Variants in ATP13A5 observed in about 807,000 individuals in gnomAD.
ATP13A5 encodes the protein ATPase 13A5.
Under a neutral mutation model 150.2 loss-of-function variants are expected in ATP13A5, and 149 were observed. The ratio of observed to expected loss-of-function variants is 0.99; its 90% confidence interval spans 0.87 to 1.14. ATP13A5 has a LOEUF of 1.14. Ranked by LOEUF, ATP13A5 falls within the 50% of genes most tolerant of loss-of-function variation. The pLI is 0.00. For missense variants in ATP13A5, 1,383 were observed against 1,449.3 expected, an observed-to-expected ratio of 0.95 and a Z score of 0.74; for synonymous variants, 497 against 522.2, an observed-to-expected ratio of 0.95 and a Z score of 0.66.
chr3:193,309,229 T>C (rs1257501908), intron 21 of ATP13A5, among the ~76,000 whole-genome samples: 1 of 152,236 alleles, frequency 6.6e-6, no homozygotes, highest in Non-Finnish European at 1.5e-5. Flanking sequence ...CTTTCCCTGC[T>C]GGGGCCAGAT....
intron 28 of ATP13A5, among the ~76,000 whole-genome samples, chr3:193,278,521 C>T (rs529445873): frequency 1.3e-5 from 2 of 152,146 alleles, no homozygotes; most frequent in African/African-American, 2.4e-5. Flanking sequence ...TCTCTGCCAC[C>T]GTACATTCAT....
chr3:193,364,106 C>T lies in ATP13A5; in HGVS notation c.237+1G>A, dbSNP rs1713146982. 3.1e-6 allele frequency: 5 copies of T among 1,613,964 alleles called. No homozygotes were observed. Among genetic ancestry groups the T allele is most frequent in the Non-Finnish European group, 3.4e-6 (4 of 1,179,908 alleles). ...AAAATAGAAAACAGAAAGGCACGCA[C>T]TGTTGTCCTCAGCAAAACAGTGTCT... On this transcript the variant is annotated splice_donor_variant, in intron 2 of 29. Transcript: ENST00000342358. LOFTEE classifies it high-confidence loss of function.
At position 193,351,187 on chromosome 3, in the gene ATP13A5, G is replaced by A; in HGVS notation, c.621C>T (p.Phe207=). ...TTAGGGTGAAGGCTTGGAACACATA[G>A]AATGGATTTAAAACCTGCAGGCACA... The part of the protein sequence containing the change: ...KLLVKQVLNP[F]YVFQAFTLTL... Residue 207 remains phenylalanine, a synonymous_variant, in exon 7 of 30, where the codon TTC becomes TTT. Coordinates refer to ENST00000342358, the MANE Select transcript of ATP13A5 (RefSeq NM_198505.4). 3 of 1,613,710 alleles carry A rather than the reference G, an allele frequency of 1.9e-6. No homozygotes were observed. Among genetic ancestry groups the A allele is most frequent in the Non-Finnish European group, 2.5e-6 (3 of 1,179,680 alleles).
At chr3:193,292,614 G>T (rs1697593527) in intron 25 of ATP13A5, among the ~76,000 whole-genome samples, 1 of 152,114 alleles carries the variant, frequency 6.6e-6, no homozygotes, top group Admixed American at 6.6e-5. Context: ...CGTTCAACCT[G>T]GCCTCAGAAT....
intron 5 of ATP13A5, among the ~76,000 whole-genome samples, chr3:193,362,125 A>T (rs1364636356): frequency 2.0e-5 from 3 of 152,232 alleles, no homozygotes; most frequent in African/African-American, 7.2e-5. Flanking sequence ...AAAAATAAAA[A>T]AACAACACAA....
intron 9 of ATP13A5, among the ~76,000 whole-genome samples, chr3:193,340,344 A>G (rs1031621805): frequency 6.6e-5 from 10 of 152,220 alleles, no homozygotes; most frequent in African/African-American, 2.2e-4. Context: ...TACCTGGCAC[A>G]TGGTAGGCAT....
intron 27 of ATP13A5, among the ~76,000 whole-genome samples, chr3:193,283,624 C>T (rs1326579887): frequency 6.6e-6 from 1 of 152,040 alleles, no homozygotes; most frequent in Non-Finnish European, 1.5e-5. Context: ...AAGAAGCACA[C>T]CCTCTCCAAA....
In ATP13A5 at chr3:193,362,401, G is replaced by A; in HGVS notation, c.516C>T (p.Thr172=). ...DIHQTFGLGL[T]SEEQEVRRLV... is the part of the protein sequence containing the mutation. Reference sequence around the variant, plus strand: ...CCTACCTGACCTCTTGCTCTTCACTGGTCAGACCCAATCCAAATGTCTGAT... The same window carrying A: ...CCTACCTGACCTCTTGCTCTTCACTAGTCAGACCCAATCCAAATGTCTGAT... Residue 172 remains threonine (T), a synonymous_variant, in exon 5 of 30, where the codon ACC becomes ACT. Coordinates refer to ENST00000342358, the MANE Select transcript of ATP13A5 (RefSeq NM_198505.4). The A allele has an allele frequency of 6.2e-7, 1 of 1,613,904 alleles. No homozygotes were observed. The highest frequency in any genetic ancestry group is 2.2e-5 in the East Asian group (1 of 44,872).
chr3:193,307,182 A>G lies in ATP13A5; in HGVS notation c.2568+145T>C, dbSNP rs1718649150. 4 of 1,505,510 alleles carry G rather than the reference A, an allele frequency of 2.7e-6. No individual in the cohort carries two copies. The East Asian group carries it at 7.4e-5, about 28-fold the overall frequency. The allele number at this position is 1,505,510 out of a possible 1,614,324, so 93.3% of individuals were successfully genotyped here. On this transcript the variant is annotated intron_variant, in intron 22 of 29. Transcript: ENST00000342358. ...CTTTACTCCCCTCCGCTTCCAACCC[A>G]CACTCAGGTAGAGGTGGATATAAAC...
Position 193,315,053 on chromosome 3 carries a change from T to C in ATP13A5, c.2077A>G (p.Met693Val). 6.2e-7 allele frequency: 1 copy of C among 1,613,772 alleles called. No individual in the cohort carries two copies. Among genetic ancestry groups the C allele is most frequent in the Non-Finnish European group, 8.5e-7 (1 of 1,179,810 alleles). ...GTTTCTTTTTTCAAGCGATTCTCCA[T>C]GATGAGAAGTCCCAGAAATGTTAAC... ...SELTFLGLLI[M>V]ENRLKKETKL... Residue 693 changes from methionine to valine, a missense_variant, in exon 18 of 30, where the codon ATG becomes GTG. Met to Val is a conservative substitution (Grantham distance 21). This residue lies in a region of ATP13A5 where 568 missense variants were observed against 621.5 expected (regional missense o/e 0.91). Transcript: ENST00000342358.
chr3:193,314,716 C>T (rs1718982202), intron 18 of ATP13A5, among the ~76,000 whole-genome samples: 1 of 152,106 alleles, frequency 6.6e-6, no homozygotes, highest in Non-Finnish European at 1.5e-5. Context: ...TTACTGTGAG[C>T]CTTGAGGCAC....
chr3:193,344,062 C>T lies in ATP13A5; in HGVS notation c.815-7G>A, dbSNP rs1240290182. On this transcript the variant is annotated splice_region_variant and splice_polypyrimidine_tract_variant and intron_variant, in intron 8 of 29. Coordinates refer to ENST00000342358, the MANE Select transcript of ATP13A5 (RefSeq NM_198505.4). ...GATTCCAGCTCCTCCAAACCTACAC[C>T]AAAGCAAAGTTTCCATGAATAGCTG... 5.6e-6 allele frequency: 9 copies of T among 1,610,456 alleles called. No individual in the cohort carries two copies. In the African/African-American group the frequency reaches 1.1e-4, roughly 19 times the overall value.
intron 5 of ATP13A5, 145 bp from the exon 6 acceptor site, chr3:193,354,341 G>T: frequency 1.5e-6 from 1 of 679,110 alleles, no homozygotes; most frequent in Non-Finnish European, 2.4e-6. Context: ...CTTTTGAAAC[G>T]TAATTCTAAA....
chr3:193,329,461 G>T lies in ATP13A5; in HGVS notation c.1461+1662C>A, dbSNP rs895700726. 6.8e-5 allele frequency among the ~76,000 whole-genome samples: 3 copies of T among 43,870 alleles called. No homozygotes were observed. In the Admixed American group the frequency reaches 7.3e-4, roughly 11 times the overall value. 28.8% of individuals were successfully genotyped at this position (43,870 alleles called of 152,430 possible). The stretch of plus-strand genomic sequence containing the variant: ...TTTTATACAGGAAATAAAGTGAACA[G>T]CCTCGGGAAAATTAATTTTAGAAAC... On this transcript the variant is annotated intron_variant, in intron 12 of 29. Transcript: ENST00000342358.
intron 1 of ATP13A5, among the ~76,000 whole-genome samples, chr3:193,367,361 A>C (rs1713275903): frequency 6.6e-6 from 1 of 152,086 alleles, no homozygotes; most frequent in Non-Finnish European, 1.5e-5. Flanking sequence ...GCTCCCTGCA[A>C]AGAAATCGTC....
intron 7 of ATP13A5, among the ~76,000 whole-genome samples, chr3:193,349,678 C>T (rs1243589732): frequency 1.3e-5 from 2 of 151,922 alleles, no homozygotes; most frequent in Admixed American, 1.3e-4. Context: ...GGAAAATGTA[C>T]CTTAAAACAT....
intron 11 of ATP13A5, 70 bp downstream of exon 11, chr3:193,333,680 C>A: frequency 6.9e-7 from 1 of 1,446,928 alleles, no homozygotes. Flanking sequence ...TAACCTAAAC[C>A]AATCCTCTGA....
At chr3:193,333,659 G>T in intron 11 of ATP13A5, 91 bp downstream of exon 11, 1 of 1,238,402 alleles carries the variant, frequency 8.1e-7, no homozygotes, top group African/African-American at 1.5e-5. Flanking sequence ...CAGAATGATG[G>T]GATCAAGATG....
At chr3:193,351,893 C>T (rs542942069) in intron 6 of ATP13A5, among the ~76,000 whole-genome samples, 17 of 152,234 alleles carry the variant, frequency 1.1e-4, no homozygotes, top group African/African-American at 4.1e-4. Context: ...TTTTTGTTCC[C>T]TCAATTTTTC....
Sources: allele counts gnomAD v4.1 joint callset (sites outside exome capture counted in the v4.1 genomes callset), GRCh38; gene constraint gnomAD v4.1.1; regional missense constraint gnomAD v4.1.1; transcripts MANE v1.5; gene names NCBI Gene and HGNC (gene_info 2026-07-23, HGNC 2026-07-21).